The following SAMD3 variants were observed in gnomAD, a reference collection of about 807,000 sequenced individuals.
The protein encoded by SAMD3 is sterile alpha motif domain-containing protein 3.
In SAMD3, 63 loss-of-function variants were observed where a neutral mutation model predicts 58.5. The ratio of observed to expected loss-of-function variants is 1.08; its 90% CI spans 0.88 to 1.33. The LOEUF (loss-of-function observed/expected upper bound fraction) is 1.33, where lower values mean the gene tolerates loss of function less well. Among genes scored for constraint, SAMD3 ranks in the 40% most tolerant of loss-of-function variants. The probability of loss-of-function intolerance (pLI) is 0.00; values close to 1 mark genes in which losing one functional copy is unlikely to be tolerated. For synonymous variants in SAMD3, 220 were observed against 210.3 expected (o/e 1.05, Z -0.40); for missense variants, 604 against 608.4 (o/e 0.99, Z 0.08).
chr6:130,209,401 A>G, intron 5 of SAMD3, 94 bp downstream of exon 5: 1 of 592,182 alleles, frequency 1.7e-6, no homozygotes, highest in East Asian at 3.0e-5. Flanking sequence ...AAAGTTTCAA[A>G]TTAGAAATAC....
chr6:130,230,987 T>C (rs1796528644), intron 2 of SAMD3, among the ~76,000 whole-genome samples: 1 of 152,170 alleles, frequency 6.6e-6, no homozygotes, highest in Admixed American at 6.5e-5. Context: ...TCATGTTCTG[T>C]TCAACAGTGC....
intron 1 of SAMD3, among the ~76,000 whole-genome samples, chr6:130,339,640 T>C (rs572852785): frequency 6.6e-6 from 1 of 152,342 alleles, no homozygotes; most frequent in South Asian, 2.1e-4. Context: ...TCTTTATAAG[T>C]TATCCAGTCT....
At chr6:130,275,030 T>G (rs1375081527) in intron 2 of SAMD3, among the ~76,000 whole-genome samples, 1 of 152,180 alleles carries the variant, frequency 6.6e-6, no homozygotes, top group Non-Finnish European at 1.5e-5. Context: ...AAATGTAGAA[T>G]TTCAGGTCTC....
At chr6:130,199,056 T>C (rs1359808865) in intron 5 of SAMD3, among the ~76,000 whole-genome samples, 3 of 152,214 alleles carry the variant, frequency 2.0e-5, no homozygotes, top group African/African-American at 7.2e-5. Flanking sequence ...AAAATAGTAT[T>C]ACTTTCTGGT....
rs114602866 is a variant in SAMD3, at chr6:130,267,868, C to T, written c.-187-45055G>A. Among the ~76,000 whole-genome samples the T allele has an allele frequency of 4.6e-3, 697 of 152,276 alleles. 8 individuals are homozygous for T. The highest frequency in any genetic ancestry group is 0.016 in the African/African-American group (669 of 41,564). ...AGCCCCATAGAGTTGTGAACGAGCT[C>T]GGCTCTTGAGACAGGAGTCTTGCTG... On this transcript the variant is annotated intron_variant, in intron 2 of 13. Coordinates refer to the SAMD3 transcript ENST00000368134.
intron 2 of SAMD3, among the ~76,000 whole-genome samples, chr6:130,276,121 A>G (rs4897392): frequency 0.31 from 47,154 of 151,846 alleles, 7,685 homozygotes; most frequent in East Asian, 0.47. Flanking sequence ...AGTTGGAATT[A>G]CGTACTTTGA....
chr6:130,351,292 C>A (rs538477258), intron 1 of SAMD3, among the ~76,000 whole-genome samples: 1 of 152,066 alleles, frequency 6.6e-6, no homozygotes, highest in Non-Finnish European at 1.5e-5. Context: ...AACAGGCAAC[C>A]TACAGAATGG....
intron 2 of SAMD3, among the ~76,000 whole-genome samples, chr6:130,270,997 GTTT>G (rs752880656): frequency 1.8e-5 from 1 of 57,058 alleles, no homozygotes; most frequent in Non-Finnish European, 2.7e-5. Context: ...TGTTTTTTTT[GTTT>G]TTTTTTGTTT....
At chr6:130,202,292 C>T (rs1051386642) in intron 5 of SAMD3, among the ~76,000 whole-genome samples, 1 of 152,230 alleles carries the variant, frequency 6.6e-6, no homozygotes, top group African/African-American at 2.4e-5. Context: ...TTGACACATA[C>T]ATGTACATGC....
chr6:130,331,850 A>T (rs1776944692), intron 1 of SAMD3, among the ~76,000 whole-genome samples: 1 of 152,244 alleles, frequency 6.6e-6, no homozygotes, highest in South Asian at 2.1e-4. Flanking sequence ...TTTACATAGC[A>T]TGGTGAGGTA....
intron 1 of SAMD3, among the ~76,000 whole-genome samples, chr6:130,328,709 A>C (rs930424013): frequency 6.6e-6 from 1 of 152,176 alleles, no homozygotes. Context: ...TTAGCCAAAA[A>C]CAATTTCTGA....
rs536610890 is a variant in SAMD3, at chr6:130,204,833, G to GA, written c.383+4661dup. 2.4e-3 allele frequency among the ~76,000 whole-genome samples: 350 copies of GA among 144,520 alleles called. 2 individuals are homozygous for GA. Among genetic ancestry groups the GA allele is most frequent in the African/African-American group, 8.3e-3 (324 of 39,190 alleles). The allele number at this position is 144,520 out of a possible 152,430, so 94.8% of individuals were successfully genotyped here. On this transcript the variant is annotated intron_variant, in intron 5 of 11. Coordinates refer to ENST00000439090, the MANE Select transcript of SAMD3 (RefSeq NM_001017373.4). The stretch of plus-strand genomic sequence containing the variant: ...AATATGTTCATTTCAGGGAACAGAG[G>GA]AAAAAAAAAATCACAAGAATAGTAA...
In SAMD3 at chr6:130,146,702, C is replaced by T. The variant is rs538966527; in HGVS notation, c.1024-521G>A. ...GTGAAAAACGATATATGGCTGGGCA[C>T]GGTGGCTCATGATTATAATCCCAGC... On this transcript the variant is annotated intron_variant, in intron 9 of 11. Transcript: ENST00000439090. Among the ~76,000 whole-genome samples, 6 of 152,178 alleles carry T rather than the reference C, an allele frequency of 3.9e-5. No homozygotes were observed. In the South Asian group the frequency reaches 8.3e-4, roughly 21 times the overall value.
intron 2 of SAMD3, among the ~76,000 whole-genome samples, chr6:130,270,149 T>A (rs1210804509): frequency 3.3e-5 from 5 of 152,130 alleles, no homozygotes; most frequent in Non-Finnish European, 7.4e-5. Flanking sequence ...TGGAGTGCAG[T>A]GACATGATCT....
In SAMD3 at chr6:130,146,095, CAGTA is replaced by C; in HGVS notation, c.1106_1109del (p.Ile369ArgfsTer19). On this transcript the variant is annotated frameshift_variant, in exon 10 of 12. Transcript: ENST00000439090. LOFTEE classifies it high-confidence loss of function. ...GATTGTCCACCACTGAAAAAGAAGT[CAGTA>C]TATTTTCTGAATAGGATTCCAAAAT... The C allele has an allele frequency of 6.2e-7, 1 of 1,601,024 alleles. No homozygotes were observed. The highest frequency in any genetic ancestry group is 8.5e-7 in the Non-Finnish European group (1 of 1,172,992).
At chr6:130,253,805 T>G (rs555050268) in intron 2 of SAMD3, among the ~76,000 whole-genome samples, 156 of 152,208 alleles carry the variant, frequency 1.0e-3, no homozygotes, top group African/African-American at 3.5e-3. Flanking sequence ...TTATACCTCT[T>G]TTATGTGATT....
At chr6:130,324,704 C>A (rs1410615884) in intron 1 of SAMD3, among the ~76,000 whole-genome samples, 3 of 150,786 alleles carry the variant, frequency 2.0e-5, no homozygotes, top group South Asian at 2.1e-4. Flanking sequence ...TTCCTGAATT[C>A]AAAAAATCTG....
intron 1 of SAMD3, among the ~76,000 whole-genome samples, chr6:130,352,419 T>A (rs1193006390): frequency 6.6e-6 from 1 of 152,102 alleles, no homozygotes; most frequent in Non-Finnish European, 1.5e-5. Flanking sequence ...ACTTCTTCAC[T>A]TTACGACTTT....
chr6:130,179,304 G>T (rs1297569327), intron 7 of SAMD3, among the ~76,000 whole-genome samples: 1 of 152,136 alleles, frequency 6.6e-6, no homozygotes, highest in Admixed American at 6.5e-5. Context: ...CCTCAGGTAG[G>T]CAGACTCAGT....
Sources: gnomAD v4.1 joint callset for allele counts (sites outside exome capture counted in the v4.1 genomes callset) on GRCh38, gnomAD v4.1.1 for gene constraint, MANE v1.5 for transcripts, NCBI Gene and HGNC (gene_info 2026-07-23, HGNC 2026-07-21) for gene names.